The following RSU1 variants were observed in gnomAD, a reference collection of about 807,000 sequenced individuals.
RSU1 encodes Ras suppressor protein 1.
A neutral mutation model predicts 31.1 loss-of-function variants in RSU1; 26 were observed. That is an observed-to-expected ratio of 0.84 (90% confidence interval 0.61 to 1.16). The LOEUF (loss-of-function observed/expected upper bound fraction) is 1.16. Among genes scored for constraint, RSU1 ranks in the 50% most tolerant of loss-of-function variants. The pLI is 0.00. For missense variants in RSU1, 320 were observed against 339.1 expected (o/e 0.94, Z 0.44); for synonymous variants, 164 against 136.3 (o/e 1.20, Z -1.41).
intron 8 of RSU1, among the ~76,000 whole-genome samples, chr10:16,669,301 C>T (rs1406215646): frequency 6.6e-6 from 1 of 152,108 alleles, no homozygotes; most frequent in African/African-American, 2.4e-5. Context: ...AAACCCAGGC[C>T]TGCCTCACTC....
intron 2 of RSU1, among the ~76,000 whole-genome samples, chr10:16,796,933 G>C (rs903637643): frequency 1.3e-5 from 2 of 152,228 alleles, no homozygotes; most frequent in African/African-American, 4.8e-5. Flanking sequence ...GCATGCATGT[G>C]ACGAAAGCAG....
rs188281038 is a variant in RSU1, at chr10:16,660,678, G to A, written c.731+34345C>T. On this transcript the variant is annotated intron_variant, in intron 8 of 8. Transcript: ENST00000345264. ...TTTTTTTTTTTTGAGGAAGGCTCTCGTTCTGTCACTCAGGCTGAAGTGCAA... is the reference window on the plus strand; with the variant it reads ...TTTTTTTTTTTTGAGGAAGGCTCTCATTCTGTCACTCAGGCTGAAGTGCAA... Among the ~76,000 whole-genome samples the A allele has an allele frequency of 2.4e-4, 30 of 126,612 alleles. 1 individual carries two copies. Among genetic ancestry groups the A allele is most frequent in the East Asian group, 1.3e-3 (6 of 4,470 alleles). The allele number at this position is 126,612 out of a possible 152,430, so 83.1% of individuals were successfully genotyped here. A position where few individuals can be genotyped will look rare whatever the true frequency, so the allele number is the denominator to read the frequency against.
chr10:16,799,913 A>T (rs1460056822), intron 2 of RSU1, among the ~76,000 whole-genome samples: 2 of 152,132 alleles, frequency 1.3e-5, no homozygotes, highest in Non-Finnish European at 2.9e-5. Context: ...CACTAGAGAG[A>T]TCTAAGCACA....
intron 8 of RSU1, among the ~76,000 whole-genome samples, chr10:16,666,978 G>A (rs146309985): frequency 3.8e-4 from 58 of 151,812 alleles, no homozygotes; most frequent in African/African-American, 1.2e-3. Context: ...CAGCCTGGGC[G>A]ACAGAGTGAG....
chr10:16,601,318 T>G (rs1833711197), intron 8 of RSU1, among the ~76,000 whole-genome samples: 1 of 152,206 alleles, frequency 6.6e-6, no homozygotes, highest in Non-Finnish European at 1.5e-5. Flanking sequence ...CTGATAGGAA[T>G]TTAGTTTCCT....
chr10:16,756,216 C>T (rs1400544483), intron 4 of RSU1, among the ~76,000 whole-genome samples: 4 of 152,002 alleles, frequency 2.6e-5, no homozygotes, highest in Non-Finnish European at 5.9e-5. Flanking sequence ...GTTTAATGGG[C>T]GTAGGATTCA....
intron 7 of RSU1, chr10:16,726,882 AG>A (rs1836407207): frequency 2.8e-6 from 1 of 358,292 alleles, no homozygotes; most frequent in East Asian, 7.4e-5. Flanking sequence ...AGTAGGTTCA[AG>A]GAACAAAACA....
At chr10:16,748,001 T>A (rs1237521832) in intron 7 of RSU1, among the ~76,000 whole-genome samples, 1 of 152,190 alleles carries the variant, frequency 6.6e-6, no homozygotes, top group Non-Finnish European at 1.5e-5. Context: ...ACCACTGCAC[T>A]CCAGCCTGGG....
chr10:16,738,476 T>G (rs762262609), intron 7 of RSU1, among the ~76,000 whole-genome samples: 12 of 151,358 alleles, frequency 7.9e-5, no homozygotes, highest in Non-Finnish European at 1.6e-4. Flanking sequence ...AAACTGAAAA[T>G]CAATCACGTA....
intron 8 of RSU1, among the ~76,000 whole-genome samples, chr10:16,652,959 G>A (rs1041005775): frequency 2.0e-5 from 3 of 151,988 alleles, no homozygotes; most frequent in Admixed American, 6.6e-5. Context: ...GATTACATGC[G>A]TGAGCCACAA....
rs371923408 is a variant in RSU1, at chr10:16,635,237, A to G, written c.732-41741T>C. Among the ~76,000 whole-genome samples the G allele has an allele frequency of 4.7e-4, 72 of 152,344 alleles. No homozygotes were observed. The South Asian group carries it at 0.01, about 22-fold the overall frequency. ...TCTCCTGATGCAGCAATGAGAAGAGAAACTTCAATTTTCTTGAGTTATCAC... is the reference window on the plus strand; with the variant it reads ...TCTCCTGATGCAGCAATGAGAAGAGGAACTTCAATTTTCTTGAGTTATCAC... On this transcript the variant is annotated intron_variant, in intron 8 of 8. Transcript: ENST00000345264.
intron 8 of RSU1, among the ~76,000 whole-genome samples, chr10:16,663,427 T>G (rs1036438603): frequency 6.6e-6 from 1 of 152,178 alleles, no homozygotes; most frequent in Non-Finnish European, 1.5e-5. Context: ...TTTCTTCAAT[T>G]GAAAGAGCTG....
chr10:16,774,532 C>T (rs1344410922), intron 3 of RSU1, among the ~76,000 whole-genome samples: 7 of 152,134 alleles, frequency 4.6e-5, no homozygotes, highest in African/African-American at 1.7e-4. Context: ...ATCACGCCAC[C>T]GCATTCCAAC....
chr10:16,722,831 C>CACATAT (rs1836294785), intron 7 of RSU1, among the ~76,000 whole-genome samples: 1 of 121,244 alleles, frequency 8.2e-6, no homozygotes, highest in Non-Finnish European at 1.8e-5. Context: ...TGTATACAGC[C>CACATAT]ACATATATGT....
At chr10:16,681,725 G>A (rs1343388998) in intron 8 of RSU1, among the ~76,000 whole-genome samples, 1 of 152,092 alleles carries the variant, frequency 6.6e-6, no homozygotes, top group Non-Finnish European at 1.5e-5. Context: ...TTTGCCATGA[G>A]AAAACTGACA....
chr10:16,723,008 A>G lies in RSU1; in HGVS notation c.599-27853T>C, dbSNP rs559809170. On this transcript the variant is annotated intron_variant, in intron 7 of 8. Coordinates refer to ENST00000345264, the MANE Select transcript of RSU1 (RefSeq NM_012425.4). ...CACATATACATATATGCATATAGAC[A>G]CAAACATACACACATATATGTATAT... The G allele has an allele frequency of 2.7e-5, 4 of 149,216 alleles. No homozygotes were observed. In the South Asian group the frequency reaches 8.4e-4, roughly 31 times the overall value. The allele number at this position is 149,216 out of a possible 1,614,324, so 9.2% of individuals were successfully genotyped here.
chr10:16,593,609 GAA>G, intron 8 of RSU1, 113 bp from the exon 9 acceptor site: 1 of 827,664 alleles, frequency 1.2e-6, no homozygotes, highest in Non-Finnish European at 2.0e-6. Flanking sequence ...GTAAGCCAAA[GAA>G]AACCAAAAGA....
chr10:16,801,941 T>C (rs186696206), intron 2 of RSU1, among the ~76,000 whole-genome samples: 133 of 152,124 alleles, frequency 8.7e-4, no homozygotes, highest in South Asian at 3.9e-3. Flanking sequence ...TCTATTAGGT[T>C]GGTGCAAAAG....
At chr10:16,708,266 GC>G (rs1311584414) in intron 7 of RSU1, among the ~76,000 whole-genome samples, 1 of 152,046 alleles carries the variant, frequency 6.6e-6, no homozygotes, top group Non-Finnish European at 1.5e-5. Context: ...TTACAATAAA[GC>G]TAGAGAAAAT....
Sources: allele counts gnomAD v4.1 joint callset (sites outside exome capture counted in the v4.1 genomes callset), GRCh38; gene constraint gnomAD v4.1.1; transcripts MANE v1.5; gene names NCBI Gene and HGNC (gene_info 2026-07-23, HGNC 2026-07-21).